The following PCDHGA8 variants were observed in gnomAD, a reference collection of about 807,000 sequenced individuals.
The protein encoded by PCDHGA8 is protocadherin gamma subfamily A, 8, also known as protocadherin gamma-A8.
Under a neutral mutation model 59.2 loss-of-function variants are expected in PCDHGA8, and 45 were observed. The ratio of observed to expected loss-of-function variants is 0.76; its 90% CI spans 0.60 to 0.98. The LOEUF is 0.98. Ranked by LOEUF, PCDHGA8 falls within the 50% of genes least tolerant of loss-of-function variation. The pLI, the probability that PCDHGA8 is intolerant of heterozygous loss-of-function variation, is 0.00. For synonymous variants in PCDHGA8, 531 were observed against 519.0 expected (o/e 1.02, Z -0.32); for missense variants, 1,257 against 1,196.2 (o/e 1.05, Z -0.75).
At position 141,511,424 on chromosome 5, in the gene PCDHGA8, G is replaced by A. The variant is rs939906846; in HGVS notation, c.*251G>A. 10 of 810,392 alleles carry A rather than the reference G, an allele frequency of 1.2e-5. No homozygotes were observed. Among genetic ancestry groups the A allele is most frequent in the East Asian group, 3.0e-5 (1 of 33,800 alleles). The allele number at this position is 810,392 out of a possible 1,614,324, so 50.2% of individuals were successfully genotyped here. On this transcript the variant is annotated 3_prime_UTR_variant, in exon 4 of 4. Transcript: ENST00000398604. The stretch of plus-strand genomic sequence containing the variant: ...ATCAACTGCTGTACCCATGGGGGTA[G>A]TGGGGTTACTGTAGACACCAAGAAC...
chr5:141,481,436 T>C (rs775003998), intron 1 of PCDHGA8, among the ~76,000 whole-genome samples: 5 of 152,220 alleles, frequency 3.3e-5, no homozygotes, highest in South Asian at 2.1e-4. Flanking sequence ...ATTGTATCAG[T>C]TTAGTACATG....
At chr5:141,478,019 C>T in intron 1 of PCDHGA8, 1 of 1,614,136 alleles carries the variant, frequency 6.2e-7, no homozygotes, top group Non-Finnish European at 8.5e-7. Flanking sequence ...CCGTCCAGTC[C>T]AAGACACAGA....
At chr5:141,427,898 C>A (rs2154552434) in intron 1 of PCDHGA8, 1 of 1,570,872 alleles carries the variant, frequency 6.4e-7, no homozygotes, top group Non-Finnish European at 8.7e-7. Context: ...AGGGCTCGCC[C>A]GCGCTCAGCG....
intron 3 of PCDHGA8, 43 bp downstream of exon 3, chr5:141,505,524 G>A: frequency 6.2e-7 from 1 of 1,612,712 alleles, no homozygotes; most frequent in Non-Finnish European, 8.5e-7. Context: ...GGAGACCTGG[G>A]GTTCTGGGGT....
chr5:141,423,132 C>T (rs375287728), intron 1 of PCDHGA8: 41 of 1,613,540 alleles, frequency 2.5e-5, no homozygotes, highest in Non-Finnish European at 3.3e-5. Flanking sequence ...CACTGCTGGA[C>T]AGAGACGCGC....
chr5:141,507,816 TG>T (rs1478957063), intron 3 of PCDHGA8, among the ~76,000 whole-genome samples: 1 of 152,130 alleles, frequency 6.6e-6, no homozygotes, highest in African/African-American at 2.4e-5. Flanking sequence ...GAACGGACCC[TG>T]GGGGTGGAGG....
chr5:141,409,572 A>G (rs1440637025), intron 1 of PCDHGA8: 2 of 1,613,920 alleles, frequency 1.2e-6, no homozygotes, highest in South Asian at 1.1e-5. Context: ...CAGACGTCCT[A>G]CGTGGTCCAC....
chr5:141,466,669 C>T lies in PCDHGA8; in HGVS notation c.2425-28138C>T, dbSNP rs529252130. The stretch of plus-strand genomic sequence containing the variant: ...TTTCACAAAACATCAGTGATTTCAC[C>T]GTTCTTCCACTCAAGCTTCATCATA... On this transcript the variant is annotated intron_variant, in intron 1 of 3. Transcript: ENST00000398604. Among the ~76,000 whole-genome samples the T allele has an allele frequency of 8.5e-5, 13 of 152,278 alleles. No homozygotes were observed. The East Asian group carries it at 9.6e-4, about 11-fold the overall frequency.
chr5:141,501,292 C>CACAT (rs200296563), intron 2 of PCDHGA8, among the ~76,000 whole-genome samples: 14,029 of 50,334 alleles, frequency 0.28, 723 homozygotes, highest in Admixed American at 0.4. Flanking sequence ...TTCCCTTATA[C>CACAT]ACACACACAC....
In PCDHGA8 at chr5:141,511,925, G is replaced by C. The variant is rs2099884008; in HGVS notation, c.*752G>C. 1 of 155,320 alleles carries C rather than the reference G, an allele frequency of 6.4e-6. No homozygotes were observed. Among genetic ancestry groups the C allele is most frequent in the Admixed American group, 6.3e-5 (1 of 15,924 alleles). 9.6% of individuals were successfully genotyped at this position (155,320 alleles called of 1,614,324 possible). A position where few individuals can be genotyped will look rare whatever the true frequency, so the allele number is the denominator to read the frequency against. ...CCTCAAACAAGAGACTCCACTGCAT[G>C]TTCCAAGACAGTATGGGGTGGTAAG... On this transcript the variant is annotated 3_prime_UTR_variant, in exon 4 of 4. Coordinates refer to ENST00000398604, the MANE Select transcript of PCDHGA8 (RefSeq NM_032088.2).
At position 141,476,827 on chromosome 5, in the gene PCDHGA8, G is replaced by A; in HGVS notation, c.2425-17980G>A. On this transcript the variant is annotated intron_variant, in intron 1 of 3. Transcript: ENST00000398604. The surrounding 1 kb of genome is among the most constrained non-coding windows in gnomAD (Gnocchi z 7.6). ...CTATTCACATCAAGGTGCTGGACGC[G>A]AATGACAATGCGCCTGTCTTCAACC... The A allele has an allele frequency of 1.2e-6, 2 of 1,613,542 alleles. No individual in the cohort carries two copies. Among genetic ancestry groups the A allele is most frequent in the Non-Finnish European group, 1.7e-6 (2 of 1,180,046 alleles).
rs1421541308 is a variant in PCDHGA8 at position 141,409,559 on chromosome 5, G to C, written c.2424+14322G>C. On this transcript the variant is annotated intron_variant, in intron 1 of 3. Coordinates refer to ENST00000398604, the MANE Select transcript of PCDHGA8 (RefSeq NM_032088.2). The stretch of plus-strand genomic sequence containing the variant: ...CATCAACGACAACGCCCCAGTTTTC[G>C]ACCAGACGTCCTACGTGGTCCACGT... The C allele has an allele frequency of 1.9e-6, 3 of 1,613,936 alleles. No individual in the cohort carries two copies. The highest frequency in any genetic ancestry group is 1.7e-6 in the Non-Finnish European group (2 of 1,179,910).
chr5:141,489,112 A>C lies in PCDHGA8; in HGVS notation c.2425-5695A>C. 3 of 412,420 alleles carry C rather than the reference A, an allele frequency of 7.3e-6. No individual in the cohort carries two copies. Among genetic ancestry groups the C allele is most frequent in the South Asian group, 4.2e-5 (1 of 23,838 alleles). The allele number at this position is 412,420 out of a possible 1,614,324, so 25.5% of individuals were successfully genotyped here. ...TGACTAAGAACTGCTGCAAGCAGGC[A>C]AACCTCCGAGCAGTTTTTAAGAGGC... is the stretch of plus-strand genomic sequence containing the variant. On this transcript the variant is annotated intron_variant, in intron 1 of 3. Coordinates refer to ENST00000398604, the MANE Select transcript of PCDHGA8 (RefSeq NM_032088.2). The surrounding 1 kb of genome is among the most constrained non-coding windows in gnomAD (Gnocchi z 4.5).
intron 1 of PCDHGA8, among the ~76,000 whole-genome samples, chr5:141,458,809 T>G (rs2098953834): frequency 6.6e-6 from 1 of 152,190 alleles, no homozygotes; most frequent in Non-Finnish European, 1.5e-5. Flanking sequence ...CTCAGCTCAC[T>G]GCAACCTCTG....
intron 1 of PCDHGA8, chr5:141,422,466 G>T: frequency 1.2e-6 from 2 of 1,613,528 alleles, no homozygotes; most frequent in Non-Finnish European, 1.7e-6. Flanking sequence ...TGCTGGACAG[G>T]GAGTTGGTCC....
chr5:141,408,863 C>T, intron 1 of PCDHGA8: 1 of 1,613,604 alleles, frequency 6.2e-7, no homozygotes, highest in Non-Finnish European at 8.5e-7. Context: ...AGGGGACCCA[C>T]CAAGAAGTGC....
chr5:141,497,466 G>T (rs1047422582), intron 2 of PCDHGA8, among the ~76,000 whole-genome samples: 2 of 152,020 alleles, frequency 1.3e-5, no homozygotes, highest in African/African-American at 4.8e-5. Flanking sequence ...TGGAGATATG[G>T]AGGAGAAGGT....
intron 1 of PCDHGA8, among the ~76,000 whole-genome samples, chr5:141,480,151 C>T (rs543997143): frequency 1.3e-5 from 2 of 152,162 alleles, no homozygotes; most frequent in African/African-American, 4.8e-5. Context: ...TTAGCCAGCT[C>T]CTAGCATTTT....
At chr5:141,404,142 CAGA>C (rs781433913) in intron 1 of PCDHGA8, 21 of 1,612,668 alleles carry the variant, frequency 1.3e-5, no homozygotes, top group Middle Eastern at 1.6e-4. Context: ...TTAGAAAATT[CAGA>C]AGAAGATTAT....
Sources: allele counts gnomAD v4.1 joint callset (sites outside exome capture counted in the v4.1 genomes callset), GRCh38; gene constraint gnomAD v4.1.1; non-coding constraint Gnocchi (gnomAD v3.1); transcripts MANE v1.5; gene names NCBI Gene and HGNC (gene_info 2026-07-23, HGNC 2026-07-21).